The following ZC3H18 variants were observed in gnomAD, a reference collection of about 807,000 sequenced individuals.
The protein encoded by ZC3H18 is zinc finger CCCH domain-containing protein 18.
In ZC3H18, 8 loss-of-function variants were observed where a neutral mutation model predicts 106.1. That is an observed-to-expected ratio of 0.08 (90% CI 0.04 to 0.14). The LOEUF is 0.14. Among genes scored for constraint, ZC3H18 ranks in the 10% least tolerant of loss-of-function variants. ZC3H18 has a pLI of 1.00. For synonymous variants in ZC3H18, 635 were observed against 522.1 expected (o/e 1.22, Z -2.95); for missense variants, 1,318 against 1,278.4 (o/e 1.03, Z -0.47).
rs373819468 is a variant in ZC3H18 at position 88,611,382 on chromosome 16, G to A, written c.1321G>A (p.Glu441Lys). The A allele has an allele frequency of 9.9e-6, 11 of 1,105,662 alleles. No homozygotes were observed. Among genetic ancestry groups the A allele is most frequent in the Non-Finnish European group, 1.4e-5 (10 of 740,086 alleles). The allele number at this position is 1,105,662 out of a possible 1,614,324, so 68.5% of individuals were successfully genotyped here. A position where few individuals can be genotyped will look rare whatever the true frequency, so the allele number is the denominator to read the frequency against. Residue 441 changes from glutamate (E) to lysine (K), a missense_variant, in exon 8 of 18, where the codon GAG becomes AAG. This residue lies in a region of ZC3H18 where 848 missense variants were observed against 821.7 expected (regional missense o/e 1.03). Transcript: ENST00000301011. ...GGAGCGCGAGCGAGAGCGGGAGCGC[G>A]AGCGCGACAAGGAGCGGCAGCGGAG... ...QRERERERERERDKERQRRKE... is the reference protein window; with the variant it reads ...QRERERERERKRDKERQRRKE...
intron 3 of ZC3H18, among the ~76,000 whole-genome samples, chr16:88,593,096 C>T (rs1266114358): frequency 6.6e-6 from 1 of 152,198 alleles, no homozygotes. Flanking sequence ...TGAATGTGAT[C>T]TCTCAAAAGA....
At chr16:88,612,520 A>G (rs1322699479) in intron 8 of ZC3H18, among the ~76,000 whole-genome samples, 1 of 150,618 alleles carries the variant, frequency 6.6e-6, no homozygotes, top group Non-Finnish European at 1.5e-5. Flanking sequence ...AAAAAAAAAA[A>G]TTAAAAATTA....
At chr16:88,587,551 C>T (rs1915507726) in intron 3 of ZC3H18, 2 of 1,536,020 alleles carry the variant, frequency 1.3e-6, no homozygotes, top group South Asian at 2.4e-5. Context: ...GATGTTGTGA[C>T]ACCATTATCC....
intron 2 of ZC3H18, among the ~76,000 whole-genome samples, chr16:88,583,501 G>C (rs1915260266): frequency 6.6e-6 from 1 of 152,234 alleles, no homozygotes; most frequent in Non-Finnish European, 1.5e-5. Context: ...TTGCAGATCA[G>C]GTGACCTGTC....
chr16:88,624,546 G>T, intron 11 of ZC3H18, 56 bp from the exon 12 acceptor site: 1 of 1,611,768 alleles, frequency 6.2e-7, no homozygotes, highest in Non-Finnish European at 8.5e-7. Flanking sequence ...AGGGGATGTA[G>T]GCCAGCGGGG....
chr16:88,613,419 T>C (rs1905383584), intron 8 of ZC3H18, among the ~76,000 whole-genome samples: 1 of 152,194 alleles, frequency 6.6e-6, no homozygotes, highest in Non-Finnish European at 1.5e-5. Flanking sequence ...TGAGAAACCC[T>C]CAAACTGTTG....
chr16:88,579,140 C>T (rs753728136), intron 2 of ZC3H18, among the ~76,000 whole-genome samples: 1 of 152,234 alleles, frequency 6.6e-6, no homozygotes, highest in Non-Finnish European at 1.5e-5. Context: ...GTGTGTGCAC[C>T]TGCAAGCTGA....
chr16:88,628,263 G>A, intron 15 of ZC3H18, 144 bp downstream of exon 15: 1 of 966,314 alleles, frequency 1.0e-6, no homozygotes, highest in South Asian at 1.7e-5. Context: ...GGGTAACAAA[G>A]CGAGACTCCA....
At chr16:88,630,755 CACCCCCCCCCACA>C (rs1190650808) in intron 17 of ZC3H18, among the ~76,000 whole-genome samples, 174 bp downstream of exon 17, 1 of 88,040 alleles carries the variant, frequency 1.1e-5, no homozygotes, top group Admixed American at 1.0e-4. Context: ...CCCCACCCCC[CACCCCCCCCCACA>C]CACACACACA....
chr16:88,629,337 G>T (rs62047997), intron 16 of ZC3H18, among the ~76,000 whole-genome samples: 36,650 of 152,134 alleles, frequency 0.24, 4,793 homozygotes, highest in East Asian at 0.37. Flanking sequence ...TTAGTTGGGC[G>T]TAGTGGCGTG....
intron 8 of ZC3H18, among the ~76,000 whole-genome samples, chr16:88,617,041 T>G (rs949528123): frequency 3.9e-5 from 6 of 151,924 alleles, no homozygotes; most frequent in African/African-American, 1.2e-4. Flanking sequence ...CTGGGTAGAG[T>G]TGAGGGCCTC....
At chr16:88,574,332 C>T (rs1470864817) in intron 1 of ZC3H18, among the ~76,000 whole-genome samples, 1 of 152,000 alleles carries the variant, frequency 6.6e-6, no homozygotes. Flanking sequence ...GTCTCAGCCT[C>T]CCAAGTAGCT....
chr16:88,628,082 T>C lies in ZC3H18; in HGVS notation c.2432T>C (p.Val811Ala). The C allele has an allele frequency of 6.2e-7, 1 of 1,614,066 alleles. No individual in the cohort carries two copies. The highest frequency in any genetic ancestry group is 8.5e-7 in the Non-Finnish European group (1 of 1,180,008). Residue 811 changes from valine (V) to alanine (A), a missense_variant, in exon 15 of 18, where the codon GTG (valine) becomes GCG (alanine). Val to Ala is a moderately conservative substitution (Grantham distance 64, BLOSUM62 0). Around this residue, in one of 6 missense-constraint regions of ZC3H18, gnomAD observed 848 missense variants for 821.7 expected, o/e 1.03. Coordinates refer to ENST00000301011, the MANE Select transcript of ZC3H18 (RefSeq NM_144604.4). ...PPGQPQQGTF[V>A]AHKEIKLTLL... ...GGGCAGCCCCAGCAGGGCACATTTG[T>C]GGCCCACAAGGAGATCAAGTTGACA...
intron 3 of ZC3H18, among the ~76,000 whole-genome samples, chr16:88,592,281 T>C (rs1221209882): frequency 6.6e-6 from 1 of 152,088 alleles, no homozygotes; most frequent in Non-Finnish European, 1.5e-5. Context: ...TGGTGGGGTG[T>C]CTTTTTTCAT....
chr16:88,631,906 G>C lies in ZC3H18; in HGVS notation c.*607G>C. On this transcript the variant is annotated 3_prime_UTR_variant, in exon 18 of 18. Transcript: ENST00000301011. ...GGCCAAGGGTGTTGTTGGGGCGTCT[G>C]TCTAATGTGGTGGGTCTTTTTTTGA... 3.6e-6 allele frequency: 1 copy of C among 278,752 alleles called. No individual in the cohort carries two copies. The highest frequency in any genetic ancestry group is 3.0e-5 in the South Asian group (1 of 32,856). The allele number at this position is 278,752 out of a possible 1,614,324, so 17.3% of individuals were successfully genotyped here. A position where few individuals can be genotyped will look rare whatever the true frequency, so the allele number is the denominator to read the frequency against.
Position 88,624,473 on chromosome 16 carries a change from C to CAA in ZC3H18, c.1899-129_1899-128insAA, listed in dbSNP as rs554456746. 2.9e-3 allele frequency: 3,586 copies of CAA among 1,222,018 alleles called. 24 individuals are homozygous for CAA. Among genetic ancestry groups the CAA allele is most frequent in the East Asian group, 0.016 (593 of 36,604 alleles). The allele number at this position is 1,222,018 out of a possible 1,614,324, so 75.7% of individuals were successfully genotyped here. On this transcript the variant is annotated intron_variant, in intron 11 of 17. Coordinates refer to ENST00000301011, the MANE Select transcript of ZC3H18 (RefSeq NM_144604.4). ...ATGGGTGGGGAGCCGTGTCCAGGCA[C>CAA]GAGCGTGCTCACCGAGCGTCACAGG...
Position 88,572,282 on chromosome 16 carries a change from G to A in ZC3H18, c.-15+1716G>A, listed in dbSNP as rs546366130. Among the ~76,000 whole-genome samples, 7 of 152,376 alleles carry A rather than the reference G, an allele frequency of 4.6e-5. No individual in the cohort carries two copies. In the South Asian group the frequency reaches 6.2e-4, roughly 14 times the overall value. Reference sequence around the variant, plus strand: ...ATCCTCCCAGAGGGGCTGCTCGGAAGGGAGGTAGCACCTGCTCTTTATTAT... The same window carrying A: ...ATCCTCCCAGAGGGGCTGCTCGGAAAGGAGGTAGCACCTGCTCTTTATTAT... On this transcript the variant is annotated intron_variant, in intron 1 of 17. Transcript: ENST00000301011.
chr16:88,611,493 A>G lies in ZC3H18; in HGVS notation c.1432A>G (p.Lys478Glu). Residue 478 changes from lysine (K) to glutamate (E), a missense_variant, in exon 8 of 18, where the codon AAG (lysine) becomes GAG (glutamate). Around this residue, in one of 6 missense-constraint regions of ZC3H18, gnomAD observed 848 missense variants for 821.7 expected, o/e 1.03. Coordinates refer to ENST00000301011, the MANE Select transcript of ZC3H18 (RefSeq NM_144604.4). The stretch of plus-strand genomic sequence containing the variant: ...CCGCGACCGGGAGAAGGAGCGGGAG[A>G]AGGAGAAGGGGAAGCCCAAGCCCCG... ...RDRDREKERE[K>E]EKGKPKPRSP... 6.4e-7 allele frequency: 1 copy of G among 1,550,390 alleles called. No homozygotes were observed. Among genetic ancestry groups the G allele is most frequent in the Middle Eastern group, 1.8e-4 (1 of 5,626 alleles).
In ZC3H18 at chr16:88,580,237, C is replaced by T. The variant is rs903925827; in HGVS notation, c.603+2511C>T. 2.7e-5 allele frequency among the ~76,000 whole-genome samples: 4 copies of T among 149,404 alleles called. 1 individual carries two copies. The East Asian group carries it at 6.0e-4, about 22-fold the overall frequency. On this transcript the variant is annotated intron_variant, in intron 2 of 17. Transcript: ENST00000301011. The stretch of plus-strand genomic sequence containing the variant: ...ATGTATATGTCTCTGCCTGCTGCTT[C>T]CCCTATTCCCAAGAACATGTTTCCT...
Sources: gnomAD v4.1 joint callset for allele counts (sites outside exome capture counted in the v4.1 genomes callset) on GRCh38, gnomAD v4.1.1 for gene constraint, gnomAD v4.1.1 regional missense constraint, MANE v1.5 for transcripts, NCBI Gene and HGNC (gene_info 2026-07-23, HGNC 2026-07-21) for gene names.